CAMKMT: variants seen among roughly 807,000 people sequenced by gnomAD.
CAMKMT encodes the protein CaM KMT.
Under a neutral mutation model 48.0 loss-of-function variants are expected in CAMKMT, and 53 were observed. The ratio of observed to expected loss-of-function variants is 1.10; its 90% CI spans 0.89 to 1.39. The LOEUF is 1.39. Ranked by LOEUF, CAMKMT falls within the 40% of genes most tolerant of loss-of-function variation. The pLI, the probability that CAMKMT is intolerant of heterozygous loss-of-function variation, is 0.00. For synonymous variants in CAMKMT, 165 were observed against 152.3 expected, an observed-to-expected ratio of 1.08 and a Z score of -0.61; for missense variants, 428 against 402.7, an observed-to-expected ratio of 1.06 and a Z score of -0.54.
chr2:44,443,818 G>A (rs941646011), intron 3 of CAMKMT, among the ~76,000 whole-genome samples: 1 of 152,114 alleles, frequency 6.6e-6, no homozygotes, highest in Admixed American at 6.5e-5. Flanking sequence ...GAGTTCATCC[G>A]TTCTCACCTC....
intron 7 of CAMKMT, among the ~76,000 whole-genome samples, chr2:44,737,538 C>G (rs1211304866): frequency 6.6e-6 from 1 of 152,198 alleles, no homozygotes. Flanking sequence ...TCTGAGGACT[C>G]TACACAATGC....
At chr2:44,698,974 C>T (rs1677115316) in intron 3 of CAMKMT, among the ~76,000 whole-genome samples, 1 of 152,130 alleles carries the variant, frequency 6.6e-6, no homozygotes. Flanking sequence ...CCTTCTTTAC[C>T]CGTGCGTAAG....
At chr2:44,696,522 A>G (rs1676959728) in intron 3 of CAMKMT, among the ~76,000 whole-genome samples, 1 of 152,204 alleles carries the variant, frequency 6.6e-6, no homozygotes, top group South Asian at 2.1e-4. Context: ...CCTCTACTCC[A>G]ACAAAAAACT....
rs535820283 is a variant in CAMKMT, at chr2:44,772,200, G to A, written c.*87G>A. 3.6e-5 allele frequency: 38 copies of A among 1,054,504 alleles called. No homozygotes were observed. Among genetic ancestry groups the A allele is most frequent in the Non-Finnish European group, 5.3e-5 (37 of 692,448 alleles). The allele number at this position is 1,054,504 out of a possible 1,614,324, so 65.3% of individuals were successfully genotyped here. A position where few individuals can be genotyped will look rare whatever the true frequency, so the allele number is the denominator to read the frequency against. On this transcript the variant is annotated 3_prime_UTR_variant, in exon 11 of 11. Coordinates refer to ENST00000378494, the MANE Select transcript of CAMKMT (RefSeq NM_024766.5). Reference sequence around the variant, plus strand: ...ACGGAAATCTGTAAGGGGTATAATCGCCTGCCTGCGCCCTTTGCAGCATTT... The same window carrying A: ...ACGGAAATCTGTAAGGGGTATAATCACCTGCCTGCGCCCTTTGCAGCATTT...
chr2:44,454,830 A>G (rs936657563), intron 3 of CAMKMT, among the ~76,000 whole-genome samples: 2 of 152,156 alleles, frequency 1.3e-5, no homozygotes, highest in African/African-American at 4.8e-5. Flanking sequence ...TTGACATGAA[A>G]GAATTGGTAC....
At chr2:44,473,238 A>G (rs1447738291) in intron 3 of CAMKMT, among the ~76,000 whole-genome samples, 1 of 152,230 alleles carries the variant, frequency 6.6e-6, no homozygotes, top group Non-Finnish European at 1.5e-5. Flanking sequence ...GTTTCATTTT[A>G]TGAAAAATGA....
chr2:44,682,369 A>G (rs1272866441), intron 3 of CAMKMT, among the ~76,000 whole-genome samples: 1 of 152,092 alleles, frequency 6.6e-6, no homozygotes, highest in East Asian at 1.9e-4. Context: ...TTTAATTTTT[A>G]TATATGGTAA....
At chr2:44,469,466 A>G (rs767778647) in intron 3 of CAMKMT, among the ~76,000 whole-genome samples, 9 of 151,916 alleles carry the variant, frequency 5.9e-5, no homozygotes, top group Non-Finnish European at 8.8e-5. Context: ...TATAAATTTT[A>G]GAAACATTTT....
chr2:44,765,233 A>T (rs1398349824), intron 9 of CAMKMT, among the ~76,000 whole-genome samples: 3 of 152,090 alleles, frequency 2.0e-5, no homozygotes, highest in Non-Finnish European at 4.4e-5. Context: ...GTCTCAAAAA[A>T]AAAATGTCTA....
At chr2:44,372,232 C>T (rs1452380251) in intron 1 of CAMKMT, among the ~76,000 whole-genome samples, 2 of 152,108 alleles carry the variant, frequency 1.3e-5, no homozygotes, top group African/African-American at 4.8e-5. Flanking sequence ...CTTCTGTAAT[C>T]CCAGCACTTT....
chr2:44,738,048 G>A (rs185547751), intron 7 of CAMKMT, among the ~76,000 whole-genome samples: 1 of 151,906 alleles, frequency 6.6e-6, no homozygotes, highest in Admixed American at 6.6e-5. Context: ...TGGAGACGGG[G>A]TTTCACCATC....
intron 2 of CAMKMT, among the ~76,000 whole-genome samples, chr2:44,386,645 G>A (rs938874571): frequency 6.6e-6 from 1 of 151,972 alleles, no homozygotes; most frequent in African/African-American, 2.4e-5. Flanking sequence ...TTTGATGTAG[G>A]CATTTAGGGC....
chr2:44,527,770 T>C (rs1572720623), intron 3 of CAMKMT, among the ~76,000 whole-genome samples: 49 of 113,516 alleles, frequency 4.3e-4, no homozygotes, highest in Admixed American at 1.2e-3. Context: ...GACCCCCTCC[T>C]CCCACATGTG....
chr2:44,738,686 G>C (rs1679497521), intron 7 of CAMKMT, among the ~76,000 whole-genome samples: 1 of 152,090 alleles, frequency 6.6e-6, no homozygotes, highest in Non-Finnish European at 1.5e-5. Context: ...TATTCTAGTG[G>C]GGAAAGAGAG....
chr2:44,510,402 C>T (rs1315386827), intron 3 of CAMKMT, among the ~76,000 whole-genome samples: 1 of 152,112 alleles, frequency 6.6e-6, no homozygotes, highest in East Asian at 1.9e-4. Context: ...GTGATGTGCT[C>T]CTTCTCAGTG....
At chr2:44,646,219 A>G (rs1008894626) in intron 3 of CAMKMT, among the ~76,000 whole-genome samples, 7 of 152,190 alleles carry the variant, frequency 4.6e-5, no homozygotes, top group African/African-American at 9.6e-5. Context: ...ACAGTTTAGC[A>G]TTTCTAGTTT....
intron 3 of CAMKMT, among the ~76,000 whole-genome samples, chr2:44,592,560 A>G (rs371221476): frequency 7.2e-5 from 11 of 152,328 alleles, no homozygotes; most frequent in Admixed American, 3.3e-4. Context: ...TGCAAGACCA[A>G]CGATGCTGGC....
intron 8 of CAMKMT, among the ~76,000 whole-genome samples, chr2:44,749,406 A>G (rs1573226446): frequency 6.6e-6 from 1 of 152,148 alleles, no homozygotes; most frequent in Non-Finnish European, 1.5e-5. Flanking sequence ...AATTCCAAGG[A>G]CTGTGATGAT....
rs777157160 is a variant in CAMKMT, at chr2:44,707,456, A to G, written c.550A>G (p.Ile184Val). Residue 184 changes from isoleucine to valine, a missense_variant, in exon 6 of 11, where the codon ATC (isoleucine) becomes GTC (valine). Transcript: ENST00000378494. ...VLLTDGNEKA[I>V]RNVQDIITRN... ...GTTAACTGATGGGAATGAAAAGGCC[A>G]TCAGAAGTATCCTTATTCAGATAGA... 6.8e-5 allele frequency: 109 copies of G among 1,612,344 alleles called. No homozygotes were observed. The highest frequency in any genetic ancestry group is 9.1e-5 in the Non-Finnish European group (107 of 1,179,120).
Sources: allele counts gnomAD v4.1 joint callset (sites outside exome capture counted in the v4.1 genomes callset), GRCh38; gene constraint gnomAD v4.1.1; transcripts MANE v1.5; gene names NCBI Gene and HGNC (gene_info 2026-07-23, HGNC 2026-07-21).